The following CEP128 variants were observed in gnomAD, a reference collection of about 807,000 sequenced individuals.
The protein encoded by CEP128 is centrosomal protein 128.
A neutral mutation model predicts 156.7 loss-of-function variants in CEP128; 132 were observed. That is an observed-to-expected ratio of 0.84 (90% CI 0.73 to 0.97). CEP128 has a LOEUF of 0.97. CEP128 is among the 50% of genes least tolerant of loss of function. CEP128 has a pLI of 0.00. For missense variants in CEP128, 1,252 were observed against 1,281.9 expected, an observed-to-expected ratio of 0.98 and a Z score of 0.36; for synonymous variants, 469 against 448.9, an observed-to-expected ratio of 1.04 and a Z score of -0.57.
intron 2 of CEP128, among the ~76,000 whole-genome samples, chr14:80,928,168 G>T (rs1269763514): frequency 2.6e-5 from 4 of 152,122 alleles, no homozygotes; most frequent in Non-Finnish European, 4.4e-5. Flanking sequence ...AAAATAATTA[G>T]AAGAAACAGT....
intron 19 of CEP128, among the ~76,000 whole-genome samples, chr14:80,715,084 G>A (rs184689049): frequency 1.2e-4 from 18 of 152,196 alleles, no homozygotes; most frequent in African/African-American, 3.1e-4. Context: ...TTAGCTGGGA[G>A]TGGTGGTGTG....
intron 2 of CEP128, chr14:80,955,817 G>A (rs2139669985): frequency 6.2e-7 from 1 of 1,614,186 alleles, no homozygotes; most frequent in Non-Finnish European, 8.5e-7. Context: ...GATATTCAAC[G>A]CATCCCCAGC....
chr14:80,743,865 T>C (rs958447990), intron 18 of CEP128, among the ~76,000 whole-genome samples: 1 of 149,688 alleles, frequency 6.7e-6, no homozygotes, highest in Non-Finnish European at 1.5e-5. Context: ...TCTTTCTCTC[T>C]CTCTCTCACT....
chr14:80,887,308 A>G (rs1435010829), intron 8 of CEP128, among the ~76,000 whole-genome samples: 1 of 152,204 alleles, frequency 6.6e-6, no homozygotes, highest in Non-Finnish European at 1.5e-5. Context: ...TCTCCACCCT[A>G]AATCAACAGA....
intron 21 of CEP128, among the ~76,000 whole-genome samples, chr14:80,555,475 A>G (rs143442873): frequency 6.1e-4 from 93 of 152,264 alleles, no homozygotes; most frequent in Non-Finnish European, 9.9e-4. Flanking sequence ...AGCACTCTGT[A>G]GTGCCTATAT....
At chr14:80,711,456 T>C (rs191549591) in intron 19 of CEP128, among the ~76,000 whole-genome samples, 1 of 152,064 alleles carries the variant, frequency 6.6e-6, no homozygotes, top group African/African-American at 2.4e-5. Flanking sequence ...TTATAAGAGA[T>C]AATATATGTA....
chr14:80,520,542 A>T (rs112847560), intron 23 of CEP128, among the ~76,000 whole-genome samples: 146 of 152,360 alleles, frequency 9.6e-4, no homozygotes, highest in African/African-American at 3.3e-3. Context: ...TAGGACTAAT[A>T]GCTAATTGAT....
intron 18 of CEP128, among the ~76,000 whole-genome samples, chr14:80,749,399 T>C (rs538941042): frequency 9.2e-5 from 14 of 152,224 alleles, no homozygotes; most frequent in African/African-American, 3.1e-4. Context: ...GACAGACAAA[T>C]GGATAAAGAA....
intron 18 of CEP128, among the ~76,000 whole-genome samples, chr14:80,755,082 G>A (rs934769299): frequency 1.3e-5 from 2 of 152,128 alleles, no homozygotes; most frequent in Non-Finnish European, 1.5e-5. Flanking sequence ...ATCTGGGTGG[G>A]CACAATCTAA....
At chr14:80,610,322 C>T (rs1892946441) in intron 19 of CEP128, among the ~76,000 whole-genome samples, 1 of 152,004 alleles carries the variant, frequency 6.6e-6, no homozygotes, top group African/African-American at 2.4e-5. Context: ...TGATTATTTA[C>T]TACTATCACT....
At chr14:80,564,596 C>T (rs911776758) in intron 20 of CEP128, among the ~76,000 whole-genome samples, 1 of 152,136 alleles carries the variant, frequency 6.6e-6, no homozygotes, top group Non-Finnish European at 1.5e-5. Context: ...TTTTTCTAAC[C>T]CTGAAGCTGT....
At chr14:80,543,790 G>GT in intron 21 of CEP128, among the ~76,000 whole-genome samples, 1 of 152,184 alleles carries the variant, frequency 6.6e-6, no homozygotes, top group Non-Finnish European at 1.5e-5. Context: ...AGGAAAAAGA[G>GT]TTGGTCTTGC....
At chr14:80,879,543 A>T (rs1595537327) in intron 8 of CEP128, among the ~76,000 whole-genome samples, 1 of 152,186 alleles carries the variant, frequency 6.6e-6, no homozygotes, top group African/African-American at 2.4e-5. Context: ...TGAAGAATTC[A>T]ATCAATGAGA....
intron 19 of CEP128, among the ~76,000 whole-genome samples, chr14:80,691,661 A>G: frequency 6.6e-6 from 1 of 152,226 alleles, no homozygotes; most frequent in East Asian, 1.9e-4. Flanking sequence ...CTAAATTTTC[A>G]TGAATAAAGG....
chr14:80,940,441 C>G (rs1394111244), intron 1 of CEP128, among the ~76,000 whole-genome samples: 1 of 152,220 alleles, frequency 6.6e-6, no homozygotes, highest in African/African-American at 2.4e-5. Context: ...CTACTGAGCT[C>G]TAGCTCTTGC....
At chr14:80,645,613 G>C (rs1463913025) in intron 19 of CEP128, among the ~76,000 whole-genome samples, 1 of 152,078 alleles carries the variant, frequency 6.6e-6, no homozygotes, top group Non-Finnish European at 1.5e-5. Context: ...CTCATTGACT[G>C]CTGGTAAAAA....
chr14:80,721,061 T>A (rs1897799198), intron 19 of CEP128, among the ~76,000 whole-genome samples: 1 of 152,194 alleles, frequency 6.6e-6, no homozygotes, highest in Non-Finnish European at 1.5e-5. Flanking sequence ...GTAGAAAATT[T>A]AAGAATTCAA....
At chr14:80,706,373 C>T (rs1043485529) in intron 19 of CEP128, among the ~76,000 whole-genome samples, 3 of 151,856 alleles carry the variant, frequency 2.0e-5, no homozygotes, top group Admixed American at 6.6e-5. Context: ...ATATCAACAT[C>T]GATATGATTC....
chr14:80,653,819 T>C (rs1357245927), intron 19 of CEP128, among the ~76,000 whole-genome samples: 4 of 152,206 alleles, frequency 2.6e-5, no homozygotes, highest in African/African-American at 9.6e-5. Flanking sequence ...AGGATCATTA[T>C]ATCAATTTAG....
Sources: gnomAD v4.1 joint callset for allele counts (sites outside exome capture counted in the v4.1 genomes callset) on GRCh38, gnomAD v4.1.1 for gene constraint, MANE v1.5 for transcripts, NCBI Gene and HGNC (gene_info 2026-07-23, HGNC 2026-07-21) for gene names.